The following GNA14 variants were observed in gnomAD, a reference collection of about 807,000 sequenced individuals.
The protein encoded by GNA14 is G protein subunit alpha 14, also known as guanine nucleotide-binding protein subunit alpha-14.
GNA14 carries 50 observed loss-of-function variants against 42.0 expected under a neutral mutation model. The ratio of observed to expected loss-of-function variants is 1.19; its 90% CI spans 0.95 to 1.51. The LOEUF is 1.51. GNA14 is among the 40% of genes most tolerant of loss of function. The pLI is 0.00. For missense variants in GNA14, 473 were observed against 446.2 expected, an observed-to-expected ratio of 1.06 and a Z score of -0.54; for synonymous variants, 173 against 163.1, an observed-to-expected ratio of 1.06 and a Z score of -0.46.
chr9:77,555,610 A>T (rs1822761587), intron 1 of GNA14, among the ~76,000 whole-genome samples: 1 of 152,224 alleles, frequency 6.6e-6, no homozygotes, highest in African/African-American at 2.4e-5. Context: ...AAAGGCAAGC[A>T]GATGATTGTT....
At chr9:77,562,392 C>CA (rs1822898411) in intron 1 of GNA14, among the ~76,000 whole-genome samples, 4 of 151,732 alleles carry the variant, frequency 2.6e-5, no homozygotes, top group Non-Finnish European at 5.9e-5. Flanking sequence ...GGACAGAACC[C>CA]AAAAAAATGA....
intron 1 of GNA14, among the ~76,000 whole-genome samples, chr9:77,640,227 T>G (rs1296889287): frequency 6.6e-6 from 1 of 152,226 alleles, no homozygotes; most frequent in Non-Finnish European, 1.5e-5. Flanking sequence ...CATTTATTAT[T>G]CAAATCCTCT....
At chr9:77,434,995 G>C (rs1835620110) in intron 2 of GNA14, among the ~76,000 whole-genome samples, 2 of 147,640 alleles carry the variant, frequency 1.4e-5, no homozygotes, top group South Asian at 4.3e-4. Context: ...CTTGTCTTTA[G>C]AGAAGTGAAA....
chr9:77,484,756 A>C (rs1033718110), intron 2 of GNA14, among the ~76,000 whole-genome samples: 3 of 152,182 alleles, frequency 2.0e-5, no homozygotes, highest in African/African-American at 7.2e-5. Flanking sequence ...AGGCCACTGT[A>C]ATGAAGTAAA....
chr9:77,641,706 G>A (rs1322809919), intron 1 of GNA14, among the ~76,000 whole-genome samples: 2 of 152,168 alleles, frequency 1.3e-5, no homozygotes, highest in South Asian at 4.1e-4. Flanking sequence ...GCCTCCTCTG[G>A]ACCCTGTACT....
At chr9:77,636,802 T>C (rs1824190592) in intron 1 of GNA14, among the ~76,000 whole-genome samples, 1 of 152,110 alleles carries the variant, frequency 6.6e-6, no homozygotes, top group South Asian at 2.1e-4. Context: ...CCTCCAACAC[T>C]GGGGATCAAA....
chr9:77,430,642 T>G (rs937715894), intron 4 of GNA14, among the ~76,000 whole-genome samples: 1 of 152,164 alleles, frequency 6.6e-6, no homozygotes, highest in African/African-American at 2.4e-5. Flanking sequence ...GACTGATGTG[T>G]TGTCTCAACT....
chr9:77,504,001 G>T (rs966335062), intron 2 of GNA14, among the ~76,000 whole-genome samples: 3 of 152,076 alleles, frequency 2.0e-5, no homozygotes, highest in Non-Finnish European at 2.9e-5. Flanking sequence ...GGATTCTAAG[G>T]AAGAATGCAA....
chr9:77,446,413 G>A (rs1218524756), intron 2 of GNA14, among the ~76,000 whole-genome samples: 1 of 152,208 alleles, frequency 6.6e-6, no homozygotes, highest in Admixed American at 6.5e-5. Flanking sequence ...ATGGCCGCGG[G>A]TCCAGTACAT....
intron 1 of GNA14, among the ~76,000 whole-genome samples, chr9:77,602,914 CT>C (rs1823591308): frequency 1.3e-5 from 2 of 152,244 alleles, no homozygotes; most frequent in African/African-American, 4.8e-5. Context: ...TCATTTTGCA[CT>C]GGCCCCACAA....
intron 2 of GNA14, among the ~76,000 whole-genome samples, chr9:77,482,595 T>G (rs1357597782): frequency 1.3e-5 from 2 of 152,184 alleles, no homozygotes; most frequent in Non-Finnish European, 1.5e-5. Context: ...AATCTGAATG[T>G]TGGCCTGCCT....
chr9:77,550,269 C>A (rs576758693), intron 1 of GNA14, among the ~76,000 whole-genome samples: 1 of 152,034 alleles, frequency 6.6e-6, no homozygotes, highest in African/African-American at 2.4e-5. Flanking sequence ...CTTTCAGCCT[C>A]GGTATATTTT....
chr9:77,457,761 T>G (rs529861979), intron 2 of GNA14, among the ~76,000 whole-genome samples: 2 of 152,358 alleles, frequency 1.3e-5, no homozygotes, highest in East Asian at 3.9e-4. Context: ...CCTGCTCCAA[T>G]GATAATTCAA....
chr9:77,452,617 G>GTGGAGGTATATGTGTGTGTGCTGTGCA, intron 2 of GNA14, among the ~76,000 whole-genome samples: 1 of 60,640 alleles, frequency 1.6e-5, no homozygotes, highest in Non-Finnish European at 2.6e-5. Flanking sequence ...GTATGTGTGT[G>GTGGAGGTATATGTGTGTGTGCTGTGCA]TATGTATATG....
chr9:77,538,585 GTTTCCT>G (rs1837624256), intron 1 of GNA14, among the ~76,000 whole-genome samples: 1 of 152,104 alleles, frequency 6.6e-6, no homozygotes, highest in East Asian at 1.9e-4. Context: ...AATTCCATTT[GTTTCCT>G]TTTCAATTTA....
chr9:77,646,082 T>G (rs1044974018), intron 1 of GNA14, among the ~76,000 whole-genome samples: 3 of 152,162 alleles, frequency 2.0e-5, no homozygotes, highest in Non-Finnish European at 1.5e-5. Context: ...TTTTCAAAGT[T>G]ATGGGTCAGA....
chr9:77,573,515 C>G lies in GNA14; in HGVS notation c.125-44262G>C, dbSNP rs186141289. ...AAATAAATAAAAATCTAGGTTTCAGCTTCCACTAGGACACAACTGATCTGC... is the reference window on the plus strand; with the variant it reads ...AAATAAATAAAAATCTAGGTTTCAGGTTCCACTAGGACACAACTGATCTGC... On this transcript the variant is annotated intron_variant, in intron 1 of 6. Coordinates refer to ENST00000341700, the MANE Select transcript of GNA14 (RefSeq NM_004297.4). 2.6e-3 allele frequency among the ~76,000 whole-genome samples: 398 copies of G among 152,150 alleles called. 4 individuals carry two copies. Among genetic ancestry groups the G allele is most frequent in the African/African-American group, 9.0e-3 (372 of 41,498 alleles).
At chr9:77,429,076 C>G in intron 4 of GNA14, 40 bp from the exon 5 acceptor site, 1 of 1,604,720 alleles carries the variant, frequency 6.2e-7, no homozygotes, top group Non-Finnish European at 8.5e-7. Context: ...GGTTGGAATA[C>G]ATGACACTTC....
At chr9:77,506,553 T>C (rs1837074020) in intron 2 of GNA14, among the ~76,000 whole-genome samples, 2 of 152,068 alleles carry the variant, frequency 1.3e-5, no homozygotes, top group Non-Finnish European at 2.9e-5. Flanking sequence ...GGCACATGTC[T>C]GTAGTCCCAG....
Sources: allele counts gnomAD v4.1 joint callset (sites outside exome capture counted in the v4.1 genomes callset), GRCh38; gene constraint gnomAD v4.1.1; transcripts MANE v1.5; gene names NCBI Gene and HGNC (gene_info 2026-07-23, HGNC 2026-07-21).